Variants in CMKLR2 observed in about 807,000 individuals in gnomAD.
CMKLR2 encodes chemerin-like receptor 2.
A neutral mutation model predicts 23.0 loss-of-function variants in CMKLR2; 18 were observed. The observed-to-expected ratio is 0.78, with a 90% CI of 0.54 to 1.16. CMKLR2 has a LOEUF of 1.16. CMKLR2 is among the 50% of genes most tolerant of loss of function. CMKLR2 has a pLI of 0.00. For synonymous variants in CMKLR2, 158 were observed against 158.9 expected (o/e 0.99, Z 0.05); for missense variants, 401 against 412.7 (o/e 0.97, Z 0.25).
At position 206,176,198 on chromosome 2, in the gene CMKLR2, G is replaced by C. The variant is rs775133756; in HGVS notation, c.1050C>G (p.Leu350=). Residue 350 remains leucine (L), a synonymous_variant, in exon 2 of 2, where the codon CTC becomes CTG. Coordinates refer to ENST00000621141, the MANE Select transcript of CMKLR2 (RefSeq NM_001389445.1). ...LRNSETKNLC[L]LETAQ ...TAATAACTTATTGAGCTGTTTCCAG[G>C]AGACACAGATTCTTGGTTTCTGAGT... 6.2e-7 allele frequency: 1 copy of C among 1,610,928 alleles called. No individual in the cohort carries two copies. Among genetic ancestry groups the C allele is most frequent in the Admixed American group, 1.7e-5 (1 of 59,424 alleles).
chr2:206,198,110 AC>A (rs1260513337), intron 1 of CMKLR2, among the ~76,000 whole-genome samples: 5 of 152,116 alleles, frequency 3.3e-5, no homozygotes, highest in African/African-American at 1.2e-4. Flanking sequence ...GCAGCGTAGG[AC>A]CTTGTCTTTG....
rs72944888 is a variant in CMKLR2, at chr2:206,195,610, T to G, written c.-29+17697A>C. 7.4e-4 allele frequency among the ~76,000 whole-genome samples: 112 copies of G among 152,314 alleles called. 2 individuals carry two copies. Among genetic ancestry groups the G allele is most frequent in the Admixed American group, 1.1e-3 (17 of 15,292 alleles). On this transcript the variant is annotated intron_variant, in intron 1 of 1. Coordinates refer to ENST00000621141, the MANE Select transcript of CMKLR2 (RefSeq NM_001389445.1). Reference sequence around the variant, plus strand: ...GGATATCGTTTTTGAGCTCTTATTCTCTATTTACAGATTAGGAAGCTGAAA... The same window carrying G: ...GGATATCGTTTTTGAGCTCTTATTCGCTATTTACAGATTAGGAAGCTGAAA...
upstream of CMKLR2, chr2:206,217,233 G>A (rs1204546674): frequency 1.3e-5 from 2 of 152,176 alleles, no homozygotes; most frequent in Non-Finnish European, 2.9e-5. Context: ...ACTATCTTGT[G>A]TAAATGCCTT....
At chr2:206,209,609 A>G (rs1574330769) in intron 1 of CMKLR2, among the ~76,000 whole-genome samples, 2 of 150,296 alleles carry the variant, frequency 1.3e-5, no homozygotes, top group East Asian at 2.0e-4. Context: ...GTTCTTACTT[A>G]TAAGTGAGAA....
chr2:206,201,285 G>A (rs1689087585), intron 1 of CMKLR2, among the ~76,000 whole-genome samples: 1 of 152,152 alleles, frequency 6.6e-6, no homozygotes, highest in African/African-American at 2.4e-5. Context: ...TATGCCAGTT[G>A]CCATGCAAAG....
In CMKLR2 at chr2:206,194,640, C is replaced by T. The variant is rs544743404; in HGVS notation, c.-28-17365G>A. Among the ~76,000 whole-genome samples the T allele has an allele frequency of 6.6e-5, 10 of 150,748 alleles. No individual in the cohort carries two copies. In the East Asian group the frequency reaches 1.8e-3, roughly 27 times the overall value. On this transcript the variant is annotated intron_variant, in intron 1 of 1. Coordinates refer to ENST00000621141, the MANE Select transcript of CMKLR2 (RefSeq NM_001389445.1). ...TAGTAGAGACAGGGTTTCACCATGT[C>T]GGCCAGGCTGATCTTGAACCCCTGG...
intron 1 of CMKLR2, among the ~76,000 whole-genome samples, chr2:206,199,136 C>T (rs1474173637): frequency 6.6e-6 from 1 of 152,178 alleles, no homozygotes; most frequent in Non-Finnish European, 1.5e-5. Flanking sequence ...ATGGCTCACA[C>T]CTGTAATCCC....
At chr2:206,186,753 G>GGGTTAAAGA (rs938995908) in intron 1 of CMKLR2, among the ~76,000 whole-genome samples, 1 of 151,414 alleles carries the variant, frequency 6.6e-6, no homozygotes, top group African/African-American at 2.4e-5. Context: ...TGACTATGGT[G>GGGTTAAAGA]GGTTAAAGAG....
intron 1 of CMKLR2, among the ~76,000 whole-genome samples, chr2:206,181,818 G>A (rs1056922158): frequency 1.3e-5 from 2 of 151,962 alleles, no homozygotes; most frequent in Non-Finnish European, 2.9e-5. Context: ...CGGGTATGGT[G>A]GTGCATGCCT....
intron 1 of CMKLR2, among the ~76,000 whole-genome samples, chr2:206,199,386 T>C (rs564069351): frequency 6.6e-6 from 1 of 150,950 alleles, no homozygotes; most frequent in Non-Finnish European, 1.5e-5. Context: ...GGCAACAGAG[T>C]GAGACTGTCT....
chr2:206,186,427 A>T (rs1246702095), intron 1 of CMKLR2, among the ~76,000 whole-genome samples: 4 of 152,098 alleles, frequency 2.6e-5, no homozygotes, highest in Non-Finnish European at 5.9e-5. Context: ...GGCTTTTGTT[A>T]AAGCAGCTGA....
intron 1 of CMKLR2, among the ~76,000 whole-genome samples, chr2:206,186,960 A>T (rs1688599704): frequency 6.6e-6 from 1 of 151,970 alleles, no homozygotes. Flanking sequence ...GGCTGAGGCG[A>T]GGGGACTGCT....
Position 206,207,728 on chromosome 2 carries a change from C to CTTTTTTTTTTTTTTTTTTTTTTT in CMKLR2, c.-29+5556_-29+5578dup, listed in dbSNP as rs71034423. On this transcript the variant is annotated intron_variant, in intron 1 of 1. Coordinates refer to ENST00000621141, the MANE Select transcript of CMKLR2 (RefSeq NM_001389445.1). ...ATCTGGGTCTGTCTGACCTCAGGGC[C>CTTTTTTTTTTTTTTTTTTTTTTT]TTTTTTTTTTTTTTTTTTTTTTTTT... is the stretch of plus-strand genomic sequence containing the variant. Among the ~76,000 whole-genome samples, 14 of 43,570 alleles carry CTTTTTTTTTTTTTTTTTTTTTTT rather than the reference C, an allele frequency of 3.2e-4. 3 individuals carry two copies. The highest frequency in any genetic ancestry group is 1.2e-3 in the East Asian group (1 of 836). 28.6% of individuals were successfully genotyped at this position (43,570 alleles called of 152,430 possible).
At chr2:206,211,983 C>A (rs1689584695) in intron 1 of CMKLR2, among the ~76,000 whole-genome samples, 1 of 151,998 alleles carries the variant, frequency 6.6e-6, no homozygotes, top group African/African-American at 2.4e-5. Flanking sequence ...TTTTCTCTTG[C>A]TAATCTTTCT....
chr2:206,191,024 A>G (rs962307041), intron 1 of CMKLR2, among the ~76,000 whole-genome samples: 3 of 152,212 alleles, frequency 2.0e-5, no homozygotes, highest in African/African-American at 7.2e-5. Flanking sequence ...AGAAACTTTT[A>G]GGCTTAATTC....
chr2:206,192,681 A>G (rs982441461), intron 1 of CMKLR2, among the ~76,000 whole-genome samples: 2 of 151,582 alleles, frequency 1.3e-5, no homozygotes, highest in African/African-American at 4.8e-5. Context: ...CCCAAACTTT[A>G]TCTCAAGTCT....
At chr2:206,211,828 CTTTT>C (rs370176400) in intron 1 of CMKLR2, among the ~76,000 whole-genome samples, 5 of 106,388 alleles carry the variant, frequency 4.7e-5, no homozygotes, top group Non-Finnish European at 8.8e-5. Context: ...ATCTGAGTCA[CTTTT>C]TTTTTTTTTT....
At chr2:206,216,176 G>C (rs1689747660), upstream of CMKLR2, among the ~76,000 whole-genome samples, 1 of 152,106 alleles carries the variant, frequency 6.6e-6, no homozygotes, top group Admixed American at 6.6e-5. Flanking sequence ...GACAGGAGCT[G>C]GGTGCGGTGG....
upstream of CMKLR2, among the ~76,000 whole-genome samples, chr2:206,213,939 C>T (rs1417036725): frequency 2.0e-5 from 3 of 152,142 alleles, no homozygotes; most frequent in East Asian, 5.8e-4. Context: ...CTGCAACCTC[C>T]GCCTCCCAGG....
Sources: gnomAD v4.1 joint callset for allele counts (sites outside exome capture counted in the v4.1 genomes callset) on GRCh38, gnomAD v4.1.1 for gene constraint, MANE v1.5 for transcripts, NCBI Gene and HGNC (gene_info 2026-07-23, HGNC 2026-07-21) for gene names.